The following E2F2 variants were observed in gnomAD, a reference collection of about 807,000 sequenced individuals.
The protein encoded by E2F2 is E2F transcription factor 2, also known as transcription factor E2F2.
A neutral mutation model predicts 42.2 loss-of-function variants in E2F2; 22 were observed. That is an observed-to-expected ratio of 0.52 (90% CI 0.37 to 0.74). E2F2 has a LOEUF of 0.74. Among genes scored for constraint, E2F2 ranks in the 30% least tolerant of loss-of-function variants. The pLI, the probability that E2F2 is intolerant of heterozygous loss-of-function variation, is 0.00. For missense variants in E2F2, 481 were observed against 557.8 expected (o/e 0.86, Z 1.39); for synonymous variants, 248 against 251.6 (o/e 0.99, Z 0.13).
In E2F2 at chr1:23,530,580, C is replaced by T. The variant is rs1371778244; in HGVS notation, c.214G>A (p.Gly72Ser). ...CLDATPHGPE[G>S]QVVRCLPAGR... The stretch of plus-strand genomic sequence containing the variant: ...GCCGGCAGGCATCGCACAACTTGGC[C>T]CTCGGGTCCGTGGGGAGTGGCGTCG... The change falls in exon 1 of 7, where the codon GGC becomes AGC. Residue 72 changes from glycine (G) to serine (S), a missense_variant. Physicochemically the swap from Gly to Ser is moderately conservative, Grantham distance 56. Transcript: ENST00000361729. The surrounding 1 kb of genome is among the most constrained non-coding windows in gnomAD (Gnocchi z 4.4). The T allele has an allele frequency of 6.2e-7, 1 of 1,612,656 alleles. No homozygotes were observed. The highest frequency in any genetic ancestry group is 8.5e-7 in the Non-Finnish European group (1 of 1,179,674).
chr1:23,522,709 G>C (rs1462259837), intron 2 of E2F2, among the ~76,000 whole-genome samples: 1 of 152,192 alleles, frequency 6.6e-6, no homozygotes, highest in Non-Finnish European at 1.5e-5. Flanking sequence ...AATCGGTCCT[G>C]TAACATCAAG....
chr1:23,514,121 CT>C (rs1642968397), intron 6 of E2F2, among the ~76,000 whole-genome samples: 1 of 102,292 alleles, frequency 9.8e-6, no homozygotes, highest in Admixed American at 9.4e-5. Flanking sequence ...GAGACTCTGT[CT>C]TAAAAAAAAA....
intron 6 of E2F2, among the ~76,000 whole-genome samples, chr1:23,511,109 C>G (rs1271711883): frequency 1.3e-5 from 2 of 152,142 alleles, no homozygotes; most frequent in African/African-American, 4.8e-5. Context: ...TCTGGGGTCT[C>G]TCCCCACCAT....
intron 6 of E2F2, among the ~76,000 whole-genome samples, chr1:23,511,552 G>A (rs1294860888): frequency 1.3e-5 from 2 of 152,114 alleles, no homozygotes; most frequent in Non-Finnish European, 2.9e-5. Flanking sequence ...TTTCCACTTA[G>A]ATGTTAAGAC....
intron 4 of E2F2, 171 bp from the exon 5 acceptor site, chr1:23,519,301 G>A: frequency 2.3e-6 from 1 of 443,772 alleles, no homozygotes; most frequent in Non-Finnish European, 4.1e-6. Context: ...AGCTACCTTA[G>A]ATCCCTTTGG....
rs776652197 is a variant in E2F2 at position 23,524,404 on chromosome 1, C to T, written c.337G>A (p.Asp113Asn). The T allele has an allele frequency of 6.3e-7, 1 of 1,599,660 alleles. No individual in the cohort carries two copies. The highest frequency in any genetic ancestry group is 8.5e-7 in the Non-Finnish European group (1 of 1,171,606). Residue 113 changes from aspartate (D) to asparagine (N), a missense_variant, in exon 2 of 7, where the codon GAT (aspartate) becomes AAT (asparagine). By Grantham distance (23) the Asp-to-Asn change is conservative. Transcript: ENST00000361729. ...PTPKGKCIRVDGLPSPKTPKS... is the reference protein window; with the variant it reads ...PTPKGKCIRVNGLPSPKTPKS... Reference sequence around the variant, plus strand: ...TTACTTTTGGGGCTGGGGAGGCCATCCACTCTGATGCACTTCCCCTTGGGG... The same window carrying T: ...TTACTTTTGGGGCTGGGGAGGCCATTCACTCTGATGCACTTCCCCTTGGGG...
At chr1:23,517,676 G>T (rs1486879468) in intron 5 of E2F2, among the ~76,000 whole-genome samples, 1 of 152,204 alleles carries the variant, frequency 6.6e-6, no homozygotes, top group East Asian at 1.9e-4. Flanking sequence ...GAATGCAATC[G>T]TGTAATCATG....
chr1:23,514,022 G>A (rs1470556305), intron 6 of E2F2, among the ~76,000 whole-genome samples: 1 of 151,992 alleles, frequency 6.6e-6, no homozygotes, highest in South Asian at 2.1e-4. Flanking sequence ...TACTCGGGAG[G>A]CTGAGGCAGG....
chr1:23,511,381 C>T (rs554080291), intron 6 of E2F2, among the ~76,000 whole-genome samples: 1 of 151,956 alleles, frequency 6.6e-6, no homozygotes, highest in Non-Finnish European at 1.5e-5. Context: ...ACCACTGGTG[C>T]GTGCCACCAT....
At chr1:23,518,995 A>C (rs1417931123) in intron 5 of E2F2, 21 bp downstream of exon 5, 1 of 1,606,682 alleles carries the variant, frequency 6.2e-7, no homozygotes, top group East Asian at 2.2e-5. Flanking sequence ...CCTGCTCTCC[A>C]CCAAATATTT....
In E2F2 at chr1:23,513,885, A is replaced by T. The variant is rs558465794; in HGVS notation, c.1045+2450T>A. Among the ~76,000 whole-genome samples, 10 of 152,082 alleles carry T rather than the reference A, an allele frequency of 6.6e-5. No homozygotes were observed. In the South Asian group the frequency reaches 1.7e-3, roughly 25 times the overall value. On this transcript the variant is annotated intron_variant, in intron 6 of 6. Coordinates refer to ENST00000361729, the MANE Select transcript of E2F2 (RefSeq NM_004091.4). ...ACACCTGTAATCCCAGCACTTTGGG[A>T]AGCTGAGGTGGGTGGATCACCTGAG...
chr1:23,516,850 G>A (rs1362620921), intron 5 of E2F2, among the ~76,000 whole-genome samples: 1 of 149,652 alleles, frequency 6.7e-6, no homozygotes, highest in Non-Finnish European at 1.5e-5. Context: ...AGCTTGTGAC[G>A]CAGCCAGGAA....
At chr1:23,510,249 C>T (rs937994233) in intron 6 of E2F2, 101 bp from the exon 7 acceptor site, 21 of 1,431,782 alleles carry the variant, frequency 1.5e-5, no homozygotes, top group Non-Finnish European at 1.8e-5. Context: ...CCCTTCTTCT[C>T]TCTCCTTAGC....
rs151287835 is a variant in E2F2, at chr1:23,510,060, C to T, written c.1134G>A (p.Pro378=). The part of the protein sequence containing the change: ...LEATDSLLEL[P]HPLLQQTEDQ... Reference sequence around the variant, plus strand: ...CCTCAGTCTGCTGCAGGAGTGGGTGCGGCAGCTCCAGCAGGCTGTCAGTAG... The same window carrying T: ...CCTCAGTCTGCTGCAGGAGTGGGTGTGGCAGCTCCAGCAGGCTGTCAGTAG... The change falls in exon 7 of 7, where the codon CCG becomes CCA. Residue 378 remains proline (P), a synonymous_variant. Transcript: ENST00000361729. 17 of 1,611,144 alleles carry T rather than the reference C, an allele frequency of 1.1e-5. No homozygotes were observed. Among genetic ancestry groups the T allele is most frequent in the South Asian group, 5.5e-5 (5 of 90,306 alleles).
chr1:23,521,876 T>C lies in E2F2; in HGVS notation c.539A>G (p.Gln180Arg). The part of the protein sequence containing the change: ...YDITNVLEGI[Q>R]LIRKKAKNNI... ...GTTCTTGGCCTTCTTGCGGATGAGCTGGATGCCTTCCAGCACGTTGGTGAT... is the reference window on the plus strand; with the variant it reads ...GTTCTTGGCCTTCTTGCGGATGAGCCGGATGCCTTCCAGCACGTTGGTGAT... Residue 180 changes from glutamine to arginine, a missense_variant, in exon 3 of 7, where the codon CAG (glutamine) becomes CGG (arginine). By Grantham distance (43) the Gln-to-Arg change is conservative. Coordinates refer to ENST00000361729, the MANE Select transcript of E2F2 (RefSeq NM_004091.4). 1 of 1,614,130 alleles carries C rather than the reference T, an allele frequency of 6.2e-7. No homozygotes were observed.
At chr1:23,523,428 A>AT (rs1643190354) in intron 2 of E2F2, among the ~76,000 whole-genome samples, 1 of 152,134 alleles carries the variant, frequency 6.6e-6, no homozygotes, top group Non-Finnish European at 1.5e-5. Context: ...AAGTGCTGGG[A>AT]TTATAGGTGT....
chr1:23,527,365 C>A (rs185602936), intron 1 of E2F2, among the ~76,000 whole-genome samples: 1 of 152,346 alleles, frequency 6.6e-6, no homozygotes, highest in East Asian at 1.9e-4. Flanking sequence ...GCTATGGCCA[C>A]AGCCAGAGGC....
chr1:23,528,081 G>A (rs568303558), intron 1 of E2F2, among the ~76,000 whole-genome samples: 5 of 152,250 alleles, frequency 3.3e-5, no homozygotes, highest in Non-Finnish European at 5.9e-5. Flanking sequence ...TGGCGCTATT[G>A]CAAGCCAGCC....
At position 23,510,158 on chromosome 1, in the gene E2F2, AACAG is replaced by A. The variant is rs1642882704; in HGVS notation, c.1046-14_1046-11del. The A allele has an allele frequency of 1.9e-6, 3 of 1,585,646 alleles. No homozygotes were observed. The highest frequency in any genetic ancestry group is 2.6e-6 in the Non-Finnish European group (3 of 1,166,160). On this transcript the variant is annotated splice_polypyrimidine_tract_variant and intron_variant, in intron 6 of 6. Coordinates refer to ENST00000361729, the MANE Select transcript of E2F2 (RefSeq NM_004091.4). Reference sequence around the variant, plus strand: ...GGCGCTGGTGCTGGCACTGGAGACAAACAGACAAAGGTTACGCCTGGCCCTAGCA... The same window carrying A: ...GGCGCTGGTGCTGGCACTGGAGACAAACAAAGGTTACGCCTGGCCCTAGCA...
Sources: gnomAD v4.1 joint callset for allele counts (sites outside exome capture counted in the v4.1 genomes callset) on GRCh38, gnomAD v4.1.1 for gene constraint, Gnocchi (gnomAD v3.1) non-coding constraint, MANE v1.5 for transcripts, NCBI Gene and HGNC (gene_info 2026-07-23, HGNC 2026-07-21) for gene names.